Variants in SUMF1 observed in about 807,000 individuals in gnomAD.
SUMF1 encodes the protein formylglycine-generating enzyme.
SUMF1 carries 48 observed loss-of-function variants against 47.6 expected under a neutral mutation model. That is an observed-to-expected ratio of 1.01 (90% CI 0.80 to 1.28). The LOEUF (loss-of-function observed/expected upper bound fraction) is 1.28, where lower values mean the gene tolerates loss of function less well. SUMF1 is among the 50% of genes most tolerant of loss of function. The probability of loss-of-function intolerance (pLI) is 0.00; values close to 1 mark genes in which losing one functional copy is unlikely to be tolerated. For synonymous variants in SUMF1, 230 were observed against 192.1 expected (o/e 1.20, Z -1.63); for missense variants, 571 against 485.4 (o/e 1.18, Z -1.66).
At chr3:4,259,392 C>G (rs1242438405) in intron 8 of SUMF1, among the ~76,000 whole-genome samples, 1 of 152,022 alleles carries the variant, frequency 6.6e-6, no homozygotes, top group Non-Finnish European at 1.5e-5. Flanking sequence ...TTACGTAAGG[C>G]AAAAGGACAG....
At chr3:4,046,425 T>A (rs537778261) in intron 9 of SUMF1, among the ~76,000 whole-genome samples, 1 of 152,312 alleles carries the variant, frequency 6.6e-6, no homozygotes, top group South Asian at 2.1e-4. Flanking sequence ...GCCAGTGGGA[T>A]AAAGATGGAA....
chr3:4,170,474 G>A (rs143720831), intron 8 of SUMF1, among the ~76,000 whole-genome samples: 5 of 152,270 alleles, frequency 3.3e-5, no homozygotes, highest in East Asian at 3.9e-4. Context: ...CAATTTAAGC[G>A]TGATGTAAGA....
At chr3:4,173,274 T>C (rs1455921348) in intron 8 of SUMF1, among the ~76,000 whole-genome samples, 2 of 152,172 alleles carry the variant, frequency 1.3e-5, no homozygotes, top group African/African-American at 2.4e-5. Context: ...CCTTGTAGTA[T>C]AGTTTGAAGT....
intron 8 of SUMF1, among the ~76,000 whole-genome samples, chr3:4,151,979 C>A (rs1463903043): frequency 6.6e-6 from 1 of 151,480 alleles, no homozygotes; most frequent in South Asian, 2.1e-4. Flanking sequence ...AAACAATGAC[C>A]TTTGTTCCCC....
intron 8 of SUMF1, among the ~76,000 whole-genome samples, chr3:4,333,092 A>G (rs755497131): frequency 6.6e-6 from 1 of 152,128 alleles, no homozygotes; most frequent in Non-Finnish European, 1.5e-5. Flanking sequence ...AAAACCCCAC[A>G]TTCACCATCC....
chr3:4,376,625 G>C lies in SUMF1; in HGVS notation c.955-236C>G, dbSNP rs567697727. ...GTTTCCACTCTTTGGTGAAGTCTTC[G>C]TAACTACAGGAAGCAATCCTGTCTC... On this transcript the variant is annotated intron_variant, in intron 7 of 8. Coordinates refer to ENST00000272902, the MANE Select transcript of SUMF1 (RefSeq NM_182760.4). Among the ~76,000 whole-genome samples the C allele has an allele frequency of 7.2e-5, 11 of 152,190 alleles. No homozygotes were observed. In the East Asian group the frequency reaches 1.4e-3, roughly 19 times the overall value.
intron 8 of SUMF1, chr3:4,303,534 C>A: frequency 7.3e-7 from 1 of 1,370,692 alleles, no homozygotes; most frequent in Non-Finnish European, 9.4e-7. Context: ...CAGGTAGGGG[C>A]GGGGCCAGGC....
intron 8 of SUMF1, among the ~76,000 whole-genome samples, chr3:4,100,464 G>A (rs1422943334): frequency 6.6e-6 from 1 of 151,962 alleles, no homozygotes; most frequent in Non-Finnish European, 1.5e-5. Context: ...AATAAATTGT[G>A]CTTGAAAAGC....
intron 8 of SUMF1, among the ~76,000 whole-genome samples, chr3:4,288,840 T>C (rs1321418600): frequency 1.3e-5 from 2 of 151,972 alleles, no homozygotes; most frequent in African/African-American, 4.8e-5. Context: ...AGCCCTCCAT[T>C]GTTTCTAAAT....
chr3:4,039,071 C>G (rs1694859695), intron 9 of SUMF1, among the ~76,000 whole-genome samples: 1 of 151,860 alleles, frequency 6.6e-6, no homozygotes, highest in African/African-American at 2.4e-5. Context: ...AAGCACTCCC[C>G]CCTTAATTTT....
chr3:4,211,195 C>CATATATAT (rs1244951771), intron 8 of SUMF1, among the ~76,000 whole-genome samples: 5 of 57,542 alleles, frequency 8.7e-5, no homozygotes, highest in South Asian at 1.1e-3. Context: ...TATACATATA[C>CATATATAT]ATACATACAT....
At chr3:4,403,076 T>C (rs899306583) in intron 7 of SUMF1, among the ~76,000 whole-genome samples, 2 of 152,238 alleles carry the variant, frequency 1.3e-5, no homozygotes, top group African/African-American at 2.4e-5. Flanking sequence ...GAAGCTACCA[T>C]GTATCCCATG....
intron 8 of SUMF1, among the ~76,000 whole-genome samples, chr3:4,080,704 A>G (rs1692541278): frequency 6.6e-6 from 1 of 152,164 alleles, no homozygotes; most frequent in African/African-American, 2.4e-5. Context: ...ATAAAAGAAT[A>G]CAATATAAAA....
At chr3:4,223,448 A>G (rs945643761) in intron 8 of SUMF1, among the ~76,000 whole-genome samples, 1 of 152,138 alleles carries the variant, frequency 6.6e-6, no homozygotes, top group African/African-American at 2.4e-5. Context: ...TGCTCAGAAC[A>G]GTGCCTGGAG....
intron 4 of SUMF1, among the ~76,000 whole-genome samples, chr3:4,418,759 C>T (rs1701800281): frequency 6.6e-6 from 1 of 152,194 alleles, no homozygotes; most frequent in East Asian, 1.9e-4. Context: ...TGACCCTTGG[C>T]TTTCAATTCT....
chr3:4,273,619 AAC>A (rs1697347265), intron 8 of SUMF1, among the ~76,000 whole-genome samples: 2 of 151,684 alleles, frequency 1.3e-5, no homozygotes, highest in Non-Finnish European at 2.9e-5. Context: ...AAAATCTTTT[AAC>A]TATATACTTA....
intron 3 of SUMF1, among the ~76,000 whole-genome samples, chr3:4,429,544 G>A (rs1310478506): frequency 6.6e-6 from 1 of 152,184 alleles, no homozygotes; most frequent in Non-Finnish European, 1.5e-5. Flanking sequence ...TGTCTTGGAG[G>A]TAAACAACAA....
At chr3:4,319,512 A>G (rs1364216827) in intron 8 of SUMF1, among the ~76,000 whole-genome samples, 1 of 152,204 alleles carries the variant, frequency 6.6e-6, no homozygotes, top group East Asian at 1.9e-4. Context: ...TGGTGAGTTT[A>G]AGTCCCTTGC....
At chr3:4,115,264 T>G (rs73129202) in intron 8 of SUMF1, among the ~76,000 whole-genome samples, 6,813 of 152,114 alleles carry the variant, frequency 0.045, 263 homozygotes, top group African/African-American at 0.095. Context: ...CCATCTCCCT[T>G]CTGTCCTCCC....
Sources: allele counts gnomAD v4.1 joint callset (sites outside exome capture counted in the v4.1 genomes callset), GRCh38; gene constraint gnomAD v4.1.1; transcripts MANE v1.5; gene names NCBI Gene and HGNC (gene_info 2026-07-23, HGNC 2026-07-21).